PIK3C2B: variants seen among roughly 807,000 people sequenced by gnomAD.
PIK3C2B encodes the protein phosphatidylinositol-4-phosphate 3-kinase catalytic subunit type 2 beta, also known as phosphatidylinositol 4-phosphate 3-kinase C2 domain-containing subunit beta.
In PIK3C2B, 83 loss-of-function variants were observed where a neutral mutation model predicts 184.3. The observed-to-expected ratio is 0.45, with a 90% CI of 0.38 to 0.54. The LOEUF (loss-of-function observed/expected upper bound fraction) is 0.54. Among genes scored for constraint, PIK3C2B ranks in the 20% least tolerant of loss-of-function variants. The pLI is 0.00. For synonymous variants in PIK3C2B, 779 were observed against 837.6 expected (o/e 0.93, Z 1.21); for missense variants, 1,736 against 2,113.5 (o/e 0.82, Z 3.50).
chr1:204,484,083 T>C lies in PIK3C2B; in HGVS notation c.-85+10273A>G, dbSNP rs554467182. Among the ~76,000 whole-genome samples, 52 of 152,166 alleles carry C rather than the reference T, an allele frequency of 3.4e-4. 1 individual carries two copies. In the South Asian group the frequency reaches 0.011, roughly 32 times the overall value. On this transcript the variant is annotated intron_variant, in intron 1 of 32. Transcript: ENST00000684373. ...ACGGGAGTGAGGGTGTTACACTTTGTGCTGGTGAAAGGGAAAGAGAAGGAA... is the reference window on the plus strand; with the variant it reads ...ACGGGAGTGAGGGTGTTACACTTTGCGCTGGTGAAAGGGAAAGAGAAGGAA...
intron 1 of PIK3C2B, among the ~76,000 whole-genome samples, chr1:204,484,875 C>T (rs970280041): frequency 6.6e-6 from 1 of 152,022 alleles, no homozygotes; most frequent in African/African-American, 2.4e-5. Flanking sequence ...GCAAAGCAAA[C>T]AAACACACCC....
Position 204,449,875 on chromosome 1 carries a change from T to C in PIK3C2B, c.2209A>G (p.Thr737Ala). 6.2e-7 allele frequency: 1 copy of C among 1,612,960 alleles called. No individual in the cohort carries two copies. Among genetic ancestry groups the C allele is most frequent in the South Asian group, 1.1e-5 (1 of 90,872 alleles). The change falls in exon 13 of 33, where the codon ACT becomes GCT. Residue 737 changes from threonine (T) to alanine (A), a missense_variant. Thr to Ala is a moderately conservative substitution (Grantham distance 58, BLOSUM62 0). Transcript: ENST00000684373. ...TGCCTGAAGTTGAAGAGTGGGGTAG[T>C]GACCCAGCCCAGGGCTTCAGGCACC... Reference protein sequence around the residue: ...RRVPEALGWVTTPLFNFRQVL... With the variant: ...RRVPEALGWVATPLFNFRQVL...
At chr1:204,449,795 C>T (rs1654192604) in intron 13 of PIK3C2B, 55 bp downstream of exon 13, 2 of 1,490,876 alleles carry the variant, frequency 1.3e-6, no homozygotes, top group South Asian at 2.7e-5. Context: ...GCCCCTTTCT[C>T]TGTCCCCCTC....
intron 2 of PIK3C2B, among the ~76,000 whole-genome samples, chr1:204,466,104 TA>T (rs923803211): frequency 1.3e-5 from 2 of 152,130 alleles, no homozygotes; most frequent in Non-Finnish European, 2.9e-5. Context: ...GGAGGGTTCC[TA>T]AAGAAGCCCC....
chr1:204,439,492 AC>A (rs1558238409), intron 22 of PIK3C2B, among the ~76,000 whole-genome samples: 1 of 152,362 alleles, frequency 6.6e-6, no homozygotes, highest in East Asian at 1.9e-4. Flanking sequence ...AATCCCAGAT[AC>A]TTTATTTCAC....
rs1335933983 is a variant in PIK3C2B, at chr1:204,424,431, C to A, written c.*421G>T. On this transcript the variant is annotated 3_prime_UTR_variant, in exon 33 of 33. Transcript: ENST00000684373. ...TCTCTTGCCTTCTGGGGCATAGGTA[C>A]GTCCCTTCTCGCAAGGCTTCCTGTC... 3.0e-6 allele frequency: 1 copy of A among 337,278 alleles called. No homozygotes were observed. Among genetic ancestry groups the A allele is most frequent in the African/African-American group, 2.1e-5 (1 of 46,532 alleles). 20.9% of individuals were successfully genotyped at this position (337,278 alleles called of 1,614,324 possible).
chr1:204,444,097 A>C lies in PIK3C2B; in HGVS notation c.2838T>G (p.Ser946=). 1 of 1,613,570 alleles carries C rather than the reference A, an allele frequency of 6.2e-7. No individual in the cohort carries two copies. The highest frequency in any genetic ancestry group is 8.5e-7 in the Non-Finnish European group (1 of 1,179,440). The part of the protein sequence containing the change: ...LVRFLLKRAV[S]DLRVTHYFFW... ...AGAAGTAGTGAGTCACTCTCAAGTC[A>C]GACACAGCTCGTTTCAGGAGGAAGC... is the stretch of plus-strand genomic sequence containing the variant. The change falls in exon 18 of 33, where the codon TCT becomes TCG. Residue 946 remains serine, a synonymous_variant. Transcript: ENST00000684373.
intron 1 of PIK3C2B, among the ~76,000 whole-genome samples, chr1:204,489,549 G>A (rs979016405): frequency 2.0e-5 from 3 of 151,204 alleles, no homozygotes; most frequent in African/African-American, 7.3e-5. Context: ...TGGCTACAAT[G>A]TTCCTCTCCC....
At position 204,446,078 on chromosome 1, in the gene PIK3C2B, C is replaced by T. The variant is rs115140514; in HGVS notation, c.2556G>A (p.Ser852=). The T allele has an allele frequency of 8.5e-5, 136 of 1,598,406 alleles. 1 individual carries two copies. The East Asian group carries it at 1.6e-3, about 19-fold the overall frequency. ...GGGCGCTGGCGAGCACCAGGGGGAG[C>T]GAGCTCACCTCCGAGTGGCAGTAAT... ...KRYYCHSEVS[S]LPLVLASAPS... The change falls in exon 16 of 33, where the codon TCG becomes TCA. Residue 852 remains serine, a synonymous_variant. Coordinates refer to ENST00000684373, the MANE Select transcript of PIK3C2B (RefSeq NM_001377334.1).
intron 21 of PIK3C2B, 125 bp from the exon 22 acceptor site, chr1:204,440,446 A>G: frequency 1.0e-6 from 1 of 957,354 alleles, no homozygotes; most frequent in Non-Finnish European, 1.5e-6. Context: ...CACACCCCTG[A>G]CCTGCTCACT....
rs1221575427 is a variant in PIK3C2B, at chr1:204,434,396, T to C, written c.3686+43A>G. 2.5e-6 allele frequency: 4 copies of C among 1,585,850 alleles called. No individual in the cohort carries two copies. In the South Asian group the frequency reaches 3.4e-5, roughly 13 times the overall value. On this transcript the variant is annotated intron_variant, in intron 24 of 32. Transcript: ENST00000684373. The stretch of plus-strand genomic sequence containing the variant: ...CAGCTCTGAACCACTGTTGCTCACC[T>C]CCTTGCCCTTCACTCACAATCTGGC...
In PIK3C2B at chr1:204,426,910, C is replaced by T. The variant is rs888225668; in HGVS notation, c.4587+738G>A. Among the ~76,000 whole-genome samples the T allele has an allele frequency of 9.2e-5, 14 of 152,100 alleles. 1 individual carries two copies. Among genetic ancestry groups the T allele is most frequent in the African/African-American group, 2.7e-4 (11 of 41,414 alleles). ...CAGCACTTTGGGAGGCTGAGACAGA[C>T]GGATCACCTGAAGTCAGGCATTCAA... is the stretch of plus-strand genomic sequence containing the variant. On this transcript the variant is annotated intron_variant, in intron 31 of 32. Transcript: ENST00000684373.
Position 204,425,321 on chromosome 1 carries a change from A to G in PIK3C2B, c.4717-281T>C, listed in dbSNP as rs1348982039. 2.0e-5 allele frequency among the ~76,000 whole-genome samples: 3 copies of G among 152,146 alleles called. No homozygotes were observed. In the East Asian group the frequency reaches 5.8e-4, roughly 29 times the overall value. Reference sequence around the variant, plus strand: ...CAGGACCAGCAGGCTTCTCCTTCCCACAGGATAGGGCCAGACCCCAGCCAT... The same window carrying G: ...CAGGACCAGCAGGCTTCTCCTTCCCGCAGGATAGGGCCAGACCCCAGCCAT... On this transcript the variant is annotated intron_variant, in intron 32 of 32. Transcript: ENST00000684373.
chr1:204,431,566 C>A (rs972167671), intron 28 of PIK3C2B, 103 bp downstream of exon 28: 7 of 1,422,904 alleles, frequency 4.9e-6, no homozygotes, highest in African/African-American at 1.4e-5. Context: ...GATGTTTAGT[C>A]CAAAAGGGTA....
intron 23 of PIK3C2B, among the ~76,000 whole-genome samples, chr1:204,438,611 G>A (rs972301595): frequency 1.3e-5 from 2 of 152,156 alleles, no homozygotes; most frequent in African/African-American, 4.8e-5. Flanking sequence ...GAACATAAGG[G>A]AACCTGAAGA....
In PIK3C2B at chr1:204,427,703, G is replaced by T. The variant is rs1411743541; in HGVS notation, c.4532C>A (p.Ser1511Tyr). Residue 1511 changes from serine to tyrosine, a missense_variant, in exon 31 of 33, where the codon TCC becomes TAC. Transcript: ENST00000684373. ...GAGTTTATTGTTTTTGTAGGAGATG[G>T]ACAGCTTCACCTCCCCTCCCACCTT... The part of the protein sequence containing the change: ...VGKVGGEVKL[S>Y]ISYKNNKLFI... 6.2e-7 allele frequency: 1 copy of T among 1,613,966 alleles called. No homozygotes were observed. Among genetic ancestry groups the T allele is most frequent in the Non-Finnish European group, 8.5e-7 (1 of 1,179,944 alleles).
intron 1 of PIK3C2B, among the ~76,000 whole-genome samples, chr1:204,493,075 T>G (rs1489651991): frequency 6.6e-6 from 1 of 151,574 alleles, no homozygotes; most frequent in Non-Finnish European, 1.5e-5. Flanking sequence ...GCAGCTGGAG[T>G]TGGGGAGAGG....
chr1:204,449,704 T>A (rs1572330274), intron 13 of PIK3C2B, 146 bp downstream of exon 13: 1 of 723,758 alleles, frequency 1.4e-6, no homozygotes, highest in East Asian at 2.7e-5. Flanking sequence ...ACCAGTTCTG[T>A]GCTTGGGGAT....
chr1:204,425,515 T>C (rs1572270177), intron 32 of PIK3C2B, 98 bp downstream of exon 32: 2 of 1,327,506 alleles, frequency 1.5e-6, no homozygotes, highest in East Asian at 4.6e-5. Flanking sequence ...GCCATGTTCT[T>C]AATACAACAT....
Sources: allele counts gnomAD v4.1 joint callset (sites outside exome capture counted in the v4.1 genomes callset), GRCh38; gene constraint gnomAD v4.1.1; transcripts MANE v1.5; gene names NCBI Gene and HGNC (gene_info 2026-07-23, HGNC 2026-07-21).